BLNK: variants seen among roughly 807,000 people sequenced by gnomAD.
BLNK encodes B-cell linker protein.
A neutral mutation model predicts 73.5 loss-of-function variants in BLNK; 29 were observed. The observed-to-expected ratio is 0.39, with a 90% confidence interval of 0.29 to 0.54. BLNK has a LOEUF of 0.54. Among genes scored for constraint, BLNK ranks in the 20% least tolerant of loss-of-function variants. The pLI is 0.61. For missense variants in BLNK, 460 were observed against 562.8 expected (o/e 0.82, Z 1.85); for synonymous variants, 176 against 200.8 (o/e 0.88, Z 1.04).
At position 96,200,137 on chromosome 10, in the gene BLNK, G is replaced by A. The variant is rs782110816; in HGVS notation, c.1033C>T (p.Pro345Ser). 29 of 1,614,124 alleles carry A rather than the reference G, an allele frequency of 1.8e-5. No homozygotes were observed. The highest frequency in any genetic ancestry group is 2.3e-5 in the Non-Finnish European group (27 of 1,180,022). The change falls in exon 15 of 17, where the codon CCA (proline) becomes TCA (serine). Residue 345 changes from proline (P) to serine (S), a missense_variant. Pro to Ser is a moderately conservative substitution (Grantham distance 74). Transcript: ENST00000224337. The surrounding 1 kb of genome is among the most constrained non-coding windows in gnomAD (Gnocchi z 4.3). ...SEQEAGVLCK[P>S]WYAGACDRKS... is the part of the protein sequence containing the mutation. ...CGATCACAGGCTCCAGCATACCATG[G>A]CTTGCAGAGAACGCCAGCTTCCTGT...
intron 1 of BLNK, among the ~76,000 whole-genome samples, chr10:96,256,116 G>C (rs1843496482): frequency 6.6e-6 from 1 of 152,206 alleles, no homozygotes; most frequent in Non-Finnish European, 1.5e-5. Flanking sequence ...TGGATCACTT[G>C]AGGTCAGGAG....
rs587607315 is a variant in BLNK at position 96,243,208 on chromosome 10, T to G, written c.114-424A>C. ...AGGAAAAAATCAGCTACAATAAGCGTTTTGGTTGTAGGTTGGGCTAAAATT... is the reference window on the plus strand; with the variant it reads ...AGGAAAAAATCAGCTACAATAAGCGGTTTGGTTGTAGGTTGGGCTAAAATT... On this transcript the variant is annotated intron_variant, in intron 2 of 16. Transcript: ENST00000224337. 1.8e-3 allele frequency among the ~76,000 whole-genome samples: 268 copies of G among 152,264 alleles called. 1 individual carries two copies. Among genetic ancestry groups the G allele is most frequent in the African/African-American group, 6.1e-3 (253 of 41,548 alleles).
At chr10:96,241,848 A>C (rs1842890315) in intron 3 of BLNK, among the ~76,000 whole-genome samples, 1 of 151,654 alleles carries the variant, frequency 6.6e-6, no homozygotes, top group Non-Finnish European at 1.5e-5. Flanking sequence ...CAGCCTCCTG[A>C]GTAGCTGGGA....
At chr10:96,210,747 T>G (rs1359956849) in intron 8 of BLNK, among the ~76,000 whole-genome samples, 1 of 152,170 alleles carries the variant, frequency 6.6e-6, no homozygotes, top group African/African-American at 2.4e-5. Context: ...GCTCACCTGC[T>G]TGGACACCAT....
chr10:96,261,096 C>T (rs778162232), intron 1 of BLNK, among the ~76,000 whole-genome samples: 6 of 152,202 alleles, frequency 3.9e-5, no homozygotes, highest in South Asian at 2.1e-4. Context: ...TTGTCCACGT[C>T]GGCCTCCCAA....
At chr10:96,244,257 A>G (rs374080568) in intron 2 of BLNK, among the ~76,000 whole-genome samples, 4 of 152,346 alleles carry the variant, frequency 2.6e-5, no homozygotes, top group Admixed American at 2.0e-4. Context: ...GAAAAACAAA[A>G]ACAAAACTGG....
intron 13 of BLNK, 118 bp from the exon 14 acceptor site, chr10:96,201,176 T>C: frequency 2.2e-6 from 2 of 911,202 alleles, no homozygotes; most frequent in African/African-American, 3.3e-5. Flanking sequence ...AAAAAATCCT[T>C]AAGGCAATGG....
At position 96,189,698 on chromosome 10, in the gene BLNK, AATCATCATCATCATC is replaced by A. The variant is rs150495829; in HGVS notation, c.*2260_*2274del. On this transcript the variant is annotated 3_prime_UTR_variant, in exon 17 of 17. Transcript: ENST00000224337. ...TTTTCTTCAGTTTCCTCATCATCAA[AATCATCATCATCATC>A]ATCATCATCATCATCATCATCTTCA... The A allele has an allele frequency of 9.2e-6, 6 of 655,436 alleles. No individual in the cohort carries two copies. The highest frequency in any genetic ancestry group is 1.8e-5 in the African/African-American group (1 of 54,694). 40.6% of individuals were successfully genotyped at this position (655,436 alleles called of 1,614,324 possible).
rs137912234 is a variant in BLNK, at chr10:96,231,439, G to T, written c.164-605C>A. Among the ~76,000 whole-genome samples the T allele has an allele frequency of 1.3e-3, 194 of 152,294 alleles. 4 individuals carry two copies. The East Asian group carries it at 0.035, about 27-fold the overall frequency. On this transcript the variant is annotated intron_variant, in intron 3 of 16. Transcript: ENST00000224337. The stretch of plus-strand genomic sequence containing the variant: ...TCAAAGACGCTGTGAGGGGCTGGGC[G>T]TTGGGGCTTATGCCTGTAATCCCAG...
Position 96,200,421 on chromosome 10 carries a change from C to G in BLNK, c.1012-263G>C, listed in dbSNP as rs1554895840. Among the ~76,000 whole-genome samples the G allele has an allele frequency of 1.3e-5, 2 of 152,110 alleles. No individual in the cohort carries two copies. The highest frequency in any genetic ancestry group is 4.8e-5 in the African/African-American group (2 of 41,422). On this transcript the variant is annotated intron_variant, in intron 14 of 16. Coordinates refer to ENST00000224337, the MANE Select transcript of BLNK (RefSeq NM_013314.4). The surrounding 1 kb of genome is among the most constrained non-coding windows in gnomAD (Gnocchi z 4.3). Reference sequence around the variant, plus strand: ...CCTAAATAAGTAATAATCCCCCTTTCCATTGTGCTCTTATTGCTCTTACTT... The same window carrying G: ...CCTAAATAAGTAATAATCCCCCTTTGCATTGTGCTCTTATTGCTCTTACTT...
At chr10:96,267,629 G>A (rs998600253) in intron 1 of BLNK, among the ~76,000 whole-genome samples, 12 of 152,198 alleles carry the variant, frequency 7.9e-5, no homozygotes, top group African/African-American at 2.9e-4. Flanking sequence ...CCACAGCAGG[G>A]TTCTGTCATG....
At chr10:96,251,406 G>A (rs1843280334) in intron 1 of BLNK, among the ~76,000 whole-genome samples, 1 of 152,226 alleles carries the variant, frequency 6.6e-6, no homozygotes, top group Non-Finnish European at 1.5e-5. Context: ...TCTGTTCCAG[G>A]AGGGGTTGTT....
At chr10:96,227,267 C>T (rs1165481936) in intron 5 of BLNK, 143 bp downstream of exon 5, 27 of 1,088,264 alleles carry the variant, frequency 2.5e-5, no homozygotes, top group African/African-American at 4.7e-5. Context: ...GAGCCCAGAT[C>T]CCCTGCTTGG....
At chr10:96,251,197 A>G (rs3762094) in intron 1 of BLNK, among the ~76,000 whole-genome samples, 31,760 of 152,226 alleles carry the variant, frequency 0.21, 4,768 homozygotes, top group East Asian at 0.56. Context: ...TACAACTGCC[A>G]AACTTCTGTG....
chr10:96,246,840 T>G, intron 2 of BLNK, 144 bp downstream of exon 2: 2 of 609,206 alleles, frequency 3.3e-6, no homozygotes, highest in Admixed American at 3.0e-5. Flanking sequence ...CTGGCCACCA[T>G]GGATTCCAGC....
intron 1 of BLNK, among the ~76,000 whole-genome samples, chr10:96,252,253 A>T (rs1843316034): frequency 6.6e-6 from 1 of 151,906 alleles, no homozygotes; most frequent in Admixed American, 6.6e-5. Context: ...GGGTTTCATT[A>T]TGTTGGCCAG....
rs1554897002 is a variant in BLNK at position 96,204,611 on chromosome 10, G to A, written c.823C>T (p.Pro275Ser). The A allele has an allele frequency of 6.2e-7, 1 of 1,613,930 alleles. No homozygotes were observed. The highest frequency in any genetic ancestry group is 8.5e-7 in the Non-Finnish European group (1 of 1,179,876). ...CCTCGGTGGCGTTCAGCAGGTATAGGTTTTTCTGGATCAGGAAAATTATCA... is the reference window on the plus strand; with the variant it reads ...CCTCGGTGGCGTTCAGCAGGTATAGATTTTTCTGGATCAGGAAAATTATCA... ...QNASSVCEEK[P>S]IPAERHRGSS... Residue 275 changes from proline (P) to serine (S), a missense_variant, in exon 12 of 17, where the codon CCT becomes TCT. By Grantham distance (74) the Pro-to-Ser change is moderately conservative (BLOSUM62 -1). Transcript: ENST00000224337.
intron 16 of BLNK, among the ~76,000 whole-genome samples, chr10:96,196,378 C>T (rs1554894676): frequency 6.6e-6 from 1 of 152,172 alleles, no homozygotes; most frequent in East Asian, 1.9e-4. Flanking sequence ...ATTAAAGAGG[C>T]ATTAAAGTTA....
chr10:96,265,636 G>C (rs1309986163), intron 1 of BLNK, among the ~76,000 whole-genome samples: 3 of 152,174 alleles, frequency 2.0e-5, no homozygotes, highest in African/African-American at 7.2e-5. Context: ...TCCCAGACCG[G>C]AAACCCAGTG....
Sources: allele counts gnomAD v4.1 joint callset (sites outside exome capture counted in the v4.1 genomes callset), GRCh38; gene constraint gnomAD v4.1.1; non-coding constraint Gnocchi (gnomAD v3.1); transcripts MANE v1.5; gene names NCBI Gene and HGNC (gene_info 2026-07-23, HGNC 2026-07-21).